The following SHROOM4 variants were observed in gnomAD, a reference collection of about 807,000 sequenced individuals.
SHROOM4 encodes the protein shroom family member 4.
Under a neutral mutation model 80.3 loss-of-function variants are expected in SHROOM4, and 17 were observed. The observed-to-expected ratio is 0.21, with a 90% confidence interval of 0.14 to 0.32. The LOEUF (loss-of-function observed/expected upper bound fraction) is 0.32, where lower values mean the gene tolerates loss of function less well. Among genes scored for constraint, SHROOM4 ranks in the 10% least tolerant of loss-of-function variants. The probability of loss-of-function intolerance (pLI) is 1.00; values close to 1 mark genes in which losing one functional copy is unlikely to be tolerated. For synonymous variants in SHROOM4, 400 were observed against 437.5 expected, an observed-to-expected ratio of 0.91 and a Z score of 1.07; for missense variants, 993 against 1,140.3, an observed-to-expected ratio of 0.87 and a Z score of 1.86.
intron 1 of SHROOM4, among the ~76,000 whole-genome samples, chrX:50,763,592 G>A (rs1557269091): frequency 8.9e-6 from 1 of 111,824 alleles, no homozygotes; most frequent in African/African-American, 3.2e-5. Context: ...TCCCTGCACT[G>A]TGAAATCTCC....
chrX:50,583,665 A>T (rs782278439), downstream of SHROOM4, among the ~76,000 whole-genome samples: 1 of 111,382 alleles, frequency 9.0e-6, no homozygotes, highest in African/African-American at 3.3e-5. Flanking sequence ...GGCAGCCACT[A>T]GGAGGTGAGG....
Position 50,596,685 on chromosome X carries a change from G to A in SHROOM4, c.*10C>T, listed in dbSNP as rs782100826. On this transcript the variant is annotated 3_prime_UTR_variant, in exon 9 of 9. Coordinates refer to ENST00000376020, the MANE Select transcript of SHROOM4 (RefSeq NM_020717.5). Reference sequence around the variant, plus strand: ...CTGGGCAGGGATGCTGTGGCAGAGTGCTGGTAGAATTAGAAATTGCTGGGC... The same window carrying A: ...CTGGGCAGGGATGCTGTGGCAGAGTACTGGTAGAATTAGAAATTGCTGGGC... 15 of 1,207,289 alleles carry A rather than the reference G, an allele frequency of 1.2e-5. No homozygotes were observed. The East Asian group carries it at 2.7e-4, about 21-fold the overall frequency.
In SHROOM4 at chrX:50,592,766, G is replaced by T. The variant is rs1928933971; in HGVS notation, c.*3929C>A. On this transcript the variant is annotated 3_prime_UTR_variant, in exon 9 of 9. Transcript: ENST00000376020. ...AAAATACTAGACAGAATTCAAGATT[G>T]GAAGAAGTCTAGAAAGAATGGCTTA... The T allele has an allele frequency of 8.4e-6, 1 of 118,682 alleles. No homozygotes were observed. Among genetic ancestry groups the T allele is most frequent in the South Asian group, 3.0e-4 (1 of 3,299 alleles). 9.8% of individuals were successfully genotyped at this position (118,682 alleles called of 1,213,427 possible).
chrX:50,617,529 G>T (rs1356741885), intron 5 of SHROOM4, among the ~76,000 whole-genome samples: 1 of 111,426 alleles, frequency 9.0e-6, no homozygotes, highest in South Asian at 3.9e-4. Flanking sequence ...ATAATAAAAG[G>T]CAAGTTTAGG....
intron 1 of SHROOM4, among the ~76,000 whole-genome samples, chrX:50,779,290 A>G (rs1935574578): frequency 8.9e-6 from 1 of 111,824 alleles, no homozygotes; most frequent in Non-Finnish European, 1.9e-5. Context: ...TTATAAGAAG[A>G]GGGCTTTATA....
chrX:50,664,928 G>GACACACACACAC (rs782486964), intron 2 of SHROOM4, among the ~76,000 whole-genome samples: 11 of 100,890 alleles, frequency 1.1e-4, no homozygotes, highest in African/African-American at 3.6e-4. Context: ...ACACCACACA[G>GACACACACACAC]ACACACACAC....
chrX:50,643,399 T>C (rs2147321955), intron 2 of SHROOM4: 1 of 110,831 alleles, frequency 9.0e-6, no homozygotes, highest in African/African-American at 3.3e-5. Context: ...CCAGCCAGCG[T>C]CCTCCCTTAG....
intron 2 of SHROOM4, among the ~76,000 whole-genome samples, chrX:50,664,946 C>T (rs996042943): frequency 2.7e-5 from 3 of 110,214 alleles, no homozygotes; most frequent in Non-Finnish European, 5.7e-5. Context: ...CACACACACA[C>T]ACACACACTT....
intron 2 of SHROOM4, among the ~76,000 whole-genome samples, chrX:50,694,370 GTTT>G: frequency 1.1e-5 from 1 of 94,877 alleles, no homozygotes; most frequent in East Asian, 3.4e-4. Flanking sequence ...ACCAGCATCT[GTTT>G]TTTTTTTTTT....
the SHROOM4 span, among the ~76,000 whole-genome samples, chrX:50,576,787 A>T: frequency 8.9e-6 from 1 of 111,985 alleles, no homozygotes; most frequent in East Asian, 2.8e-4. Flanking sequence ...TACATTATAC[A>T]TAAATAACTT....
chrX:50,755,423 C>T (rs1261072839), intron 1 of SHROOM4, among the ~76,000 whole-genome samples: 2 of 111,966 alleles, frequency 1.8e-5, no homozygotes, highest in African/African-American at 6.5e-5. Context: ...GACCCTTCTA[C>T]AGACTGGGCA....
intron 1 of SHROOM4, among the ~76,000 whole-genome samples, chrX:50,782,538 ATTAT>A (rs1342671630): frequency 8.9e-6 from 1 of 111,829 alleles, no homozygotes; most frequent in African/African-American, 3.3e-5. Flanking sequence ...CAATCTCCAT[ATTAT>A]TGATAAGGAA....
intron 7 of SHROOM4, among the ~76,000 whole-genome samples, chrX:50,601,400 T>C (rs1270596528): frequency 1.8e-5 from 2 of 112,055 alleles, no homozygotes; most frequent in Non-Finnish European, 3.8e-5. Flanking sequence ...ACCACCATGC[T>C]TCCAATTCTT....
At chrX:50,606,031 T>C (rs1345304840) in intron 6 of SHROOM4, among the ~76,000 whole-genome samples, 1 of 111,073 alleles carries the variant, frequency 9.0e-6, no homozygotes, top group Non-Finnish European at 1.9e-5. Context: ...GCTCCCCAGG[T>C]AGAAGAACAG....
At chrX:50,798,352 T>G (rs781911338) in intron 1 of SHROOM4, among the ~76,000 whole-genome samples, 8 of 112,095 alleles carry the variant, frequency 7.1e-5, no homozygotes, top group Non-Finnish European at 1.5e-4. Flanking sequence ...TCGTGCATTA[T>G]ATTATTTCAT....
intron 1 of SHROOM4, 55 bp downstream of exon 1, chrX:50,813,847 C>T: frequency 1.0e-6 from 1 of 972,619 alleles, no homozygotes. Flanking sequence ...AGCCTTCGCA[C>T]CCGCTTGTCC....
intron 5 of SHROOM4, among the ~76,000 whole-genome samples, chrX:50,614,302 T>A (rs1930130249): frequency 8.9e-6 from 1 of 112,253 alleles, no homozygotes; most frequent in African/African-American, 3.2e-5. Flanking sequence ...TTCTTAAAAC[T>A]TAAAAAATTA....
At chrX:50,717,680 C>T (rs1934000191) in intron 1 of SHROOM4, among the ~76,000 whole-genome samples, 1 of 111,529 alleles carries the variant, frequency 9.0e-6, no homozygotes, top group Non-Finnish European at 1.9e-5. Flanking sequence ...AGTCCTTCAG[C>T]CCACTTAAAA....
chrX:50,680,936 C>T (rs1026584076), intron 2 of SHROOM4, among the ~76,000 whole-genome samples: 1 of 110,907 alleles, frequency 9.0e-6, no homozygotes, highest in Non-Finnish European at 1.9e-5. Flanking sequence ...CAGTCTTTCT[C>T]GCCTCAGTAA....
Sources: gnomAD v4.1 joint callset for allele counts (sites outside exome capture counted in the v4.1 genomes callset) on GRCh38, gnomAD v4.1.1 for gene constraint, MANE v1.5 for transcripts, NCBI Gene and HGNC (gene_info 2026-07-23, HGNC 2026-07-21) for gene names.